The following SNTA1 variants were observed in gnomAD, a reference collection of about 807,000 sequenced individuals.
SNTA1 encodes the protein alpha-1-syntrophin.
In SNTA1, 31 loss-of-function variants were observed where a neutral mutation model predicts 47.1. That is an observed-to-expected ratio of 0.66 (90% CI 0.49 to 0.89). SNTA1 has a LOEUF of 0.89. Among genes scored for constraint, SNTA1 ranks in the 40% least tolerant of loss-of-function variants. The pLI, the probability that SNTA1 is intolerant of heterozygous loss-of-function variation, is 0.00. For missense variants in SNTA1, 575 were observed against 693.0 expected (o/e 0.83, Z 1.91); for synonymous variants, 300 against 313.6 (o/e 0.96, Z 0.46).
At chr20:33,436,248 G>A (rs775777361) in intron 2 of SNTA1, among the ~76,000 whole-genome samples, 8 of 152,146 alleles carry the variant, frequency 5.3e-5, no homozygotes, top group South Asian at 2.1e-4. Flanking sequence ...GGGGACCTCC[G>A]TGTGAATGTG....
At chr20:33,411,253 C>T (rs1281343533) in intron 5 of SNTA1, among the ~76,000 whole-genome samples, 3 of 152,076 alleles carry the variant, frequency 2.0e-5, no homozygotes, top group African/African-American at 7.2e-5. Context: ...CCTATCCAAG[C>T]TCCCTCTCCA....
At chr20:33,431,653 G>A (rs1446010665) in intron 2 of SNTA1, among the ~76,000 whole-genome samples, 1 of 152,174 alleles carries the variant, frequency 6.6e-6, no homozygotes, top group Non-Finnish European at 1.5e-5. Flanking sequence ...GGAGGCTGAA[G>A]TAGGAGAATC....
chr20:33,408,986 GC>G, intron 6 of SNTA1, 98 bp from the exon 7 acceptor site: 1 of 1,073,752 alleles, frequency 9.3e-7, no homozygotes, highest in Non-Finnish European at 1.4e-6. Context: ...GGGCCTGAAT[GC>G]CTCCAGGGAT....
intron 2 of SNTA1, among the ~76,000 whole-genome samples, chr20:33,422,892 C>A (rs917998749): frequency 1.3e-5 from 2 of 152,082 alleles, no homozygotes; most frequent in African/African-American, 4.8e-5. Flanking sequence ...TCAGAGGTCA[C>A]CTCAGAAGAG....
chr20:33,433,547 A>T (rs2146799988), intron 2 of SNTA1, among the ~76,000 whole-genome samples: 1 of 152,222 alleles, frequency 6.6e-6, no homozygotes, highest in East Asian at 1.9e-4. Flanking sequence ...GATTACAGGC[A>T]TGAGTCACCG....
intron 1 of SNTA1, among the ~76,000 whole-genome samples, chr20:33,439,484 C>T (rs1990528714): frequency 6.6e-6 from 1 of 151,750 alleles, no homozygotes; most frequent in Admixed American, 6.6e-5. Flanking sequence ...AGAAGGAGAC[C>T]CTGTCTCAAT....
chr20:33,408,339 GT>G lies in SNTA1; in HGVS notation c.*167del. On this transcript the variant is annotated 3_prime_UTR_variant, in exon 8 of 8. Transcript: ENST00000217381. ...AGAGTCCACTCTGTCCTGCGTCTGG[GT>G]CCTGGGCCCCAAGACCAATCCAGTC... 1 of 672,324 alleles carries G rather than the reference GT, an allele frequency of 1.5e-6. No individual in the cohort carries two copies. Among genetic ancestry groups the G allele is most frequent in the Admixed American group, 2.1e-5 (1 of 47,632 alleles). 41.6% of individuals were successfully genotyped at this position (672,324 alleles called of 1,614,324 possible).
chr20:33,430,302 T>A (rs1990271941), intron 2 of SNTA1, among the ~76,000 whole-genome samples: 1 of 148,856 alleles, frequency 6.7e-6, no homozygotes, highest in Non-Finnish European at 1.5e-5. Context: ...TTTTTTTTTT[T>A]TTTTGAGACG....
intron 1 of SNTA1, among the ~76,000 whole-genome samples, chr20:33,440,102 G>A: frequency 6.6e-6 from 1 of 151,792 alleles, no homozygotes; most frequent in East Asian, 1.9e-4. Context: ...TCTAGCCTGG[G>A]CAACAAAAGT....
chr20:33,443,556 C>A lies in SNTA1; in HGVS notation c.65G>T (p.Gly22Val). The A allele has an allele frequency of 7.5e-7, 1 of 1,330,656 alleles. No homozygotes were observed. Among genetic ancestry groups the A allele is most frequent in the South Asian group, 1.8e-5 (1 of 56,194 alleles). The allele number at this position is 1,330,656 out of a possible 1,614,324, so 82.4% of individuals were successfully genotyped here. A position where few individuals can be genotyped will look rare whatever the true frequency, so the allele number is the denominator to read the frequency against. The change falls in exon 1 of 8, where the codon GGG (glycine) becomes GTG (valine). Residue 22 changes from glycine to valine, a missense_variant. By Grantham distance (109) the Gly-to-Val change is moderately radical (BLOSUM62 -3). Coordinates refer to ENST00000217381, the MANE Select transcript of SNTA1 (RefSeq NM_003098.3). ...CCGCTGCCATCGCTCGCCGCCGGCC[C>A]CCGAGCCCGCCCCGGCGCGCAGCTC... Reference protein sequence around the residue: ...LLELRAGAGSGAGGERWQRVL... With the variant: ...LLELRAGAGSVAGGERWQRVL...
chr20:33,415,062 C>T lies in SNTA1; in HGVS notation c.702-2280G>A, dbSNP rs550138087. Among the ~76,000 whole-genome samples, 6 of 152,240 alleles carry T rather than the reference C, an allele frequency of 3.9e-5. No homozygotes were observed. In the South Asian group the frequency reaches 1.2e-3, roughly 32 times the overall value. ...ACTGACAGTGGGCCATATGGAACCCCAGTTATATTGAGGTTACCTATGTAG... is the reference window on the plus strand; with the variant it reads ...ACTGACAGTGGGCCATATGGAACCCTAGTTATATTGAGGTTACCTATGTAG... On this transcript the variant is annotated intron_variant, in intron 3 of 7. Transcript: ENST00000217381.
intron 2 of SNTA1, among the ~76,000 whole-genome samples, chr20:33,430,213 C>T (rs1324363003): frequency 1.3e-5 from 2 of 152,016 alleles, no homozygotes; most frequent in Non-Finnish European, 2.9e-5. Context: ...CTCTCGAACA[C>T]ACCTTCACCT....
chr20:33,443,018 T>C (rs888417229), intron 1 of SNTA1, among the ~76,000 whole-genome samples: 2 of 152,010 alleles, frequency 1.3e-5, no homozygotes, highest in Non-Finnish European at 1.5e-5. Flanking sequence ...TTGATGTTCA[T>C]GCTGGTTACC....
At chr20:33,435,036 AGG>A in intron 2 of SNTA1, among the ~76,000 whole-genome samples, 8 of 119,798 alleles carry the variant, frequency 6.7e-5, no homozygotes, top group African/African-American at 2.6e-4. Flanking sequence ...CTTGTCGCCC[AGG>A]CTGGAGTGCA....
In SNTA1 at chr20:33,408,504, C is replaced by CTTCT. The variant is rs778740982; in HGVS notation, c.1517_*2dup. The CTTCT allele has an allele frequency of 2.2e-5, 35 of 1,611,404 alleles. No individual in the cohort carries two copies. In the African/African-American group the frequency reaches 4.3e-4, roughly 20 times the overall value. On this transcript the variant is annotated 3_prime_UTR_variant, in exon 8 of 8. Coordinates refer to ENST00000217381, the MANE Select transcript of SNTA1 (RefSeq NM_003098.3). ...TCTTCAGGGCTAGTGCATCCGGCGA[C>CTTCT]TTCTAGGCCAACAGCCCGAGGCGGG...
chr20:33,412,579 T>C lies in SNTA1; in HGVS notation c.905A>G (p.Glu302Gly), dbSNP rs763371307. Residue 302 changes from glutamate to glycine, a missense_variant, in exon 4 of 8, where the codon GAG becomes GGG. Physicochemically the swap from Glu to Gly is moderately conservative, Grantham distance 98. Transcript: ENST00000217381. ...GGTCCCAGGCCCAGCAGGTACCTGC[T>C]CAGTTAGCCAGCCAATCTGCTTGAT... ...QDIKQIGWLT[E>G]QLPSGGTAPT... The C allele has an allele frequency of 3.1e-6, 5 of 1,613,000 alleles. No homozygotes were observed. The Admixed American group carries it at 5.0e-5, about 16-fold the overall frequency.
At chr20:33,429,614 G>A (rs1990246712) in intron 2 of SNTA1, among the ~76,000 whole-genome samples, 1 of 151,984 alleles carries the variant, frequency 6.6e-6, no homozygotes, top group African/African-American at 2.4e-5. Context: ...TGGCCAACAA[G>A]AGAGAAACTC....
chr20:33,423,753 G>T (rs1320333433), intron 2 of SNTA1, among the ~76,000 whole-genome samples: 1 of 152,176 alleles, frequency 6.6e-6, no homozygotes, highest in Non-Finnish European at 1.5e-5. Flanking sequence ...GAACACATCT[G>T]TTTGGGCAAC....
At position 33,438,932 on chromosome 20, in the gene SNTA1, G is replaced by A; in HGVS notation, c.405C>T (p.Ile135=). The part of the protein sequence containing the change: ...QTEALFVGDA[I]LSVNGEDLSS... ...ACAAGTCTTCCCCATTCACAGACAG[G>A]ATGGCATCCCCCACAAAAAGGGCCT... The change falls in exon 2 of 8, where the codon ATC becomes ATT. Residue 135 remains isoleucine (I), a synonymous_variant. Transcript: ENST00000217381. The A allele has an allele frequency of 3.1e-6, 5 of 1,614,036 alleles. No homozygotes were observed. Among genetic ancestry groups the A allele is most frequent in the Non-Finnish European group, 4.2e-6 (5 of 1,179,906 alleles).
Sources: allele counts gnomAD v4.1 joint callset (sites outside exome capture counted in the v4.1 genomes callset), GRCh38; gene constraint gnomAD v4.1.1; transcripts MANE v1.5; gene names NCBI Gene and HGNC (gene_info 2026-07-23, HGNC 2026-07-21).